Variants in SDK1 observed in about 807,000 individuals in gnomAD.
SDK1 encodes sidekick cell adhesion molecule 1, also known as protein sidekick-1.
A neutral mutation model predicts 245.5 loss-of-function variants in SDK1; 157 were observed. The observed-to-expected ratio is 0.64, with a 90% CI of 0.56 to 0.73. The LOEUF (loss-of-function observed/expected upper bound fraction) is 0.73. SDK1 is among the 30% of genes least tolerant of loss of function. SDK1 has a pLI of 0.00. For synonymous variants in SDK1, 1,647 were observed against 1,278.5 expected (o/e 1.29, Z -6.15); for missense variants, 3,583 against 3,002.3 (o/e 1.19, Z -4.52).
intron 5 of SDK1, among the ~76,000 whole-genome samples, chr7:3,906,145 T>C (rs917358564): frequency 6.6e-6 from 1 of 152,218 alleles, no homozygotes. Context: ...TTACCTGATG[T>C]TTGTCCTCAC....
At chr7:3,440,606 G>A (rs773788113) in intron 1 of SDK1, among the ~76,000 whole-genome samples, 1 of 152,162 alleles carries the variant, frequency 6.6e-6, no homozygotes, top group Non-Finnish European at 1.5e-5. Context: ...TAGGAGTAGT[G>A]TTGTTGGCAA....
chr7:3,765,832 A>G (rs1780238037), intron 4 of SDK1, among the ~76,000 whole-genome samples: 1 of 152,074 alleles, frequency 6.6e-6, no homozygotes, highest in South Asian at 2.1e-4. Flanking sequence ...ATTTCAGGGG[A>G]TTAAAGGAGG....
intron 1 of SDK1, among the ~76,000 whole-genome samples, chr7:3,354,884 A>C (rs1465765579): frequency 6.6e-6 from 1 of 152,244 alleles, no homozygotes; most frequent in African/African-American, 2.4e-5. Flanking sequence ...ATCACGTTAA[A>C]GAGGCCTCAC....
Position 4,051,733 on chromosome 7 carries a change from G to A in SDK1, c.2814G>A (p.Leu938=), listed in dbSNP as rs769764469. The change falls in exon 19 of 45, where the codon CTG becomes CTA. Residue 938 remains leucine, a synonymous_variant. Coordinates refer to ENST00000404826, the MANE Select transcript of SDK1 (RefSeq NM_152744.4). The part of the protein sequence containing the change: ...HGVHHGHITN[L]KKFTAYFTSV... ...TCCACCATGGACACATAACGAACCTGAAGAAGTTTACCGCCTACTTCACTT... is the reference window on the plus strand; with the variant it reads ...TCCACCATGGACACATAACGAACCTAAAGAAGTTTACCGCCTACTTCACTT... The A allele has an allele frequency of 6.2e-7, 1 of 1,613,960 alleles. No individual in the cohort carries two copies. Among genetic ancestry groups the A allele is most frequent in the East Asian group, 2.2e-5 (1 of 44,858 alleles).
intron 5 of SDK1, among the ~76,000 whole-genome samples, chr7:3,862,185 A>G (rs540003252): frequency 3.3e-5 from 5 of 152,368 alleles, no homozygotes; most frequent in African/African-American, 1.2e-4. Flanking sequence ...AGTTCTCAGC[A>G]GTGGCTGCAT....
chr7:4,016,044 G>C (rs1786372913), intron 16 of SDK1, among the ~76,000 whole-genome samples: 1 of 152,190 alleles, frequency 6.6e-6, no homozygotes, highest in African/African-American at 2.4e-5. Context: ...TTTCTTCTCT[G>C]CTTCGGTGTC....
chr7:4,171,387 A>G (rs1781829599), intron 32 of SDK1, among the ~76,000 whole-genome samples: 2 of 152,250 alleles, frequency 1.3e-5, no homozygotes. Context: ...GGGAGCGGGT[A>G]TCCAGAGAAA....
intron 35 of SDK1, among the ~76,000 whole-genome samples, chr7:4,204,407 C>T (rs1247572252): frequency 1.3e-5 from 2 of 152,048 alleles, no homozygotes; most frequent in Non-Finnish European, 2.9e-5. Flanking sequence ...TTTCCATTAA[C>T]GGCAGGGTGG....
At chr7:4,089,369 G>C (rs1329600773) in intron 22 of SDK1, among the ~76,000 whole-genome samples, 1 of 152,218 alleles carries the variant, frequency 6.6e-6, no homozygotes, top group South Asian at 2.1e-4. Flanking sequence ...CCATTTGTGA[G>C]GCTTGGAAAT....
intron 37 of SDK1, among the ~76,000 whole-genome samples, chr7:4,208,837 C>A (rs1784374437): frequency 6.6e-6 from 1 of 152,250 alleles, no homozygotes; most frequent in South Asian, 2.1e-4. Flanking sequence ...TCTCCACGCA[C>A]AGGGCGCAGC....
At chr7:3,458,424 C>T (rs920067858) in intron 1 of SDK1, among the ~76,000 whole-genome samples, 10 of 151,940 alleles carry the variant, frequency 6.6e-5, no homozygotes, top group Admixed American at 6.6e-4. Context: ...AATAAATGAA[C>T]TCCTTCTATG....
intron 4 of SDK1, among the ~76,000 whole-genome samples, chr7:3,814,872 G>A (rs1337245267): frequency 5.3e-5 from 8 of 151,918 alleles, no homozygotes; most frequent in Non-Finnish European, 1.2e-4. Flanking sequence ...TCTCTTTGAA[G>A]CAATTGTGAA....
chr7:3,557,091 A>G (rs970703431), intron 1 of SDK1, among the ~76,000 whole-genome samples: 1 of 152,072 alleles, frequency 6.6e-6, no homozygotes, highest in African/African-American at 2.4e-5. Context: ...AAGCAGAAGG[A>G]AAGAGATAAT....
intron 4 of SDK1, among the ~76,000 whole-genome samples, chr7:3,683,106 A>G (rs1420610179): frequency 1.3e-5 from 2 of 152,198 alleles, no homozygotes; most frequent in African/African-American, 4.8e-5. Flanking sequence ...CAAGGCATTT[A>G]CGCTGAGTGG....
At chr7:3,373,646 T>G (rs1781283304) in intron 1 of SDK1, among the ~76,000 whole-genome samples, 1 of 151,932 alleles carries the variant, frequency 6.6e-6, no homozygotes. Context: ...CTTTTTTTTT[T>G]TGGATGTGCG....
chr7:3,616,872 C>G (rs1781788246), intron 1 of SDK1, among the ~76,000 whole-genome samples: 1 of 152,054 alleles, frequency 6.6e-6, no homozygotes, highest in African/African-American at 2.4e-5. Flanking sequence ...TTAGTAATGT[C>G]ACAAATAAAT....
At chr7:4,035,132 C>A (rs1327257463) in intron 17 of SDK1, among the ~76,000 whole-genome samples, 1 of 151,600 alleles carries the variant, frequency 6.6e-6, no homozygotes, top group Non-Finnish European at 1.5e-5. Flanking sequence ...GCACGTACCA[C>A]CATGCCCAGC....
intron 14 of SDK1, among the ~76,000 whole-genome samples, chr7:4,009,208 A>G (rs1451594830): frequency 1.3e-5 from 2 of 152,232 alleles, no homozygotes; most frequent in Non-Finnish European, 2.9e-5. Flanking sequence ...GCTCGTAGTC[A>G]GCTGTGGTCT....
At chr7:3,729,059 C>G (rs554445898) in intron 4 of SDK1, among the ~76,000 whole-genome samples, 1 of 152,126 alleles carries the variant, frequency 6.6e-6, no homozygotes, top group Non-Finnish European at 1.5e-5. Context: ...GTGTGAAATC[C>G]GGCTTGATCA....
Sources: allele counts gnomAD v4.1 joint callset (sites outside exome capture counted in the v4.1 genomes callset), GRCh38; gene constraint gnomAD v4.1.1; transcripts MANE v1.5; gene names NCBI Gene and HGNC (gene_info 2026-07-23, HGNC 2026-07-21).